PKHD1L1: variants seen among roughly 807,000 people sequenced by gnomAD.
PKHD1L1 encodes PKHD1 like 1.
Under a neutral mutation model 462.9 loss-of-function variants are expected in PKHD1L1, and 434 were observed. The observed-to-expected ratio is 0.94, with a 90% CI of 0.87 to 1.02. The LOEUF is 1.02. Among genes scored for constraint, PKHD1L1 ranks in the 50% least tolerant of loss-of-function variants. The pLI is 0.00. For missense variants in PKHD1L1, 5,202 were observed against 5,096.1 expected (o/e 1.02, Z -0.63); for synonymous variants, 1,781 against 1,750.0 (o/e 1.02, Z -0.44).
rs750944625 is a variant in PKHD1L1 at position 109,449,367 on chromosome 8, G to C, written c.6055G>C (p.Val2019Leu). The change falls in exon 40 of 78, where the codon GTG (valine) becomes CTG (leucine). Residue 2019 changes from valine to leucine, a missense_variant. By Grantham distance (32) the Val-to-Leu change is conservative. This residue lies in a region of PKHD1L1 where 4,497 missense variants were observed against 4,336.8 expected (regional missense o/e 1.04). Coordinates refer to ENST00000378402, the MANE Select transcript of PKHD1L1 (RefSeq NM_177531.6). ...CTTTGGTGGGGGTCAAACCATGACT[G>C]TGACAGGCACCGGATTTAATCCACA... The part of the protein sequence containing the change: ...GSFGGGQTMT[V>L]TGTGFNPQNS... 2 of 1,579,638 alleles carry C rather than the reference G, an allele frequency of 1.3e-6. No homozygotes were observed. The highest frequency in any genetic ancestry group is 2.7e-5 in the African/African-American group (2 of 74,206).
intron 2 of PKHD1L1, among the ~76,000 whole-genome samples, chr8:109,366,406 A>G (rs1811233241): frequency 6.6e-6 from 1 of 152,230 alleles, no homozygotes; most frequent in South Asian, 2.1e-4. Flanking sequence ...ACTGCCTTAT[A>G]GAGGCAGAGA....
intron 32 of PKHD1L1, 55 bp from the exon 33 acceptor site, chr8:109,440,655 A>C: frequency 6.6e-7 from 1 of 1,519,154 alleles, no homozygotes; most frequent in Non-Finnish European, 9.0e-7. Flanking sequence ...GCAAGAGTTT[A>C]GCAAGATAAA....
Position 109,498,544 on chromosome 8 carries a change from C to T in PKHD1L1, c.10682C>T (p.Ala3561Val). The T allele has an allele frequency of 6.2e-7, 1 of 1,613,530 alleles. No individual in the cohort carries two copies. The highest frequency in any genetic ancestry group is 8.5e-7 in the Non-Finnish European group (1 of 1,179,466). ...GATGATCCTAATATTGAACTCACTG[C>T]TGCTCATCGGAGTCCTAGATCTCCA... ...TNDDPNIELT[A>V]AHRSPRSPSG... Residue 3561 changes from alanine (A) to valine (V), a missense_variant, in exon 66 of 78, where the codon GCT becomes GTT. By Grantham distance (64) the Ala-to-Val change is moderately conservative (BLOSUM62 0). Around this residue, in one of 3 missense-constraint regions of PKHD1L1, gnomAD observed 4,497 missense variants for 4,336.8 expected, o/e 1.04. Coordinates refer to ENST00000378402, the MANE Select transcript of PKHD1L1 (RefSeq NM_177531.6).
rs779138316 is a variant in PKHD1L1, at chr8:109,412,420, C to G, written c.2235+6C>G. ...TATTGTTTCCTTATAATCAGGTAAGCTCAACAAAATGATATGCTAATTGAA... is the reference window on the plus strand; with the variant it reads ...TATTGTTTCCTTATAATCAGGTAAGGTCAACAAAATGATATGCTAATTGAA... On this transcript the variant is annotated splice_donor_region_variant and intron_variant, in intron 20 of 77. Coordinates refer to ENST00000378402, the MANE Select transcript of PKHD1L1 (RefSeq NM_177531.6). 6.3e-7 allele frequency: 1 copy of G among 1,598,956 alleles called. No homozygotes were observed. The highest frequency in any genetic ancestry group is 8.5e-7 in the Non-Finnish European group (1 of 1,172,006).
At chr8:109,491,431 C>G (rs1476995724) in intron 61 of PKHD1L1, among the ~76,000 whole-genome samples, 2 of 151,782 alleles carry the variant, frequency 1.3e-5, no homozygotes, top group Non-Finnish European at 2.9e-5. Flanking sequence ...TACCACATCA[C>G]ATTCTTACAT....
At chr8:109,524,491 G>C (rs1194949586) in intron 76 of PKHD1L1, among the ~76,000 whole-genome samples, 1 of 152,008 alleles carries the variant, frequency 6.6e-6, no homozygotes, top group African/African-American at 2.4e-5. Context: ...TACCTGAAAA[G>C]AAGTTTGCTC....
chr8:109,387,308 A>G (rs533163785), intron 6 of PKHD1L1, among the ~76,000 whole-genome samples: 2 of 152,200 alleles, frequency 1.3e-5, no homozygotes, highest in African/African-American at 4.8e-5. Context: ...AGGTAAAAAG[A>G]ATTCTAAAAA....
chr8:109,389,679 C>A (rs1812618766), intron 8 of PKHD1L1, among the ~76,000 whole-genome samples: 1 of 152,226 alleles, frequency 6.6e-6, no homozygotes, highest in East Asian at 1.9e-4. Flanking sequence ...AGGCGCACAC[C>A]ACCATGCCTG....
In PKHD1L1 at chr8:109,483,441, T is replaced by C. The variant is rs536064145; in HGVS notation, c.9576+336T>C. 6.0e-5 allele frequency among the ~76,000 whole-genome samples: 9 copies of C among 149,142 alleles called. No individual in the cohort carries two copies. In the East Asian group the frequency reaches 1.4e-3, roughly 23 times the overall value. Reference sequence around the variant, plus strand: ...TTAGTCATACAATATATGACTAATATATATTATGTATATACAAGCTAATAT... The same window carrying C: ...TTAGTCATACAATATATGACTAATACATATTATGTATATACAAGCTAATAT... On this transcript the variant is annotated intron_variant, in intron 57 of 77. Coordinates refer to ENST00000378402, the MANE Select transcript of PKHD1L1 (RefSeq NM_177531.6).
chr8:109,443,823 T>G lies in PKHD1L1; in HGVS notation c.4712T>G (p.Ile1571Ser), dbSNP rs1229463380. The G allele has an allele frequency of 6.2e-7, 1 of 1,613,862 alleles. No homozygotes were observed. The highest frequency in any genetic ancestry group is 1.7e-5 in the Admixed American group (1 of 59,998). Residue 1571 changes from isoleucine to serine, a missense_variant, in exon 37 of 78, where the codon ATT (isoleucine) becomes AGT (serine). Ile to Ser is a moderately radical substitution (Grantham distance 142). Coordinates refer to ENST00000378402, the MANE Select transcript of PKHD1L1 (RefSeq NM_177531.6). ...TGTTTTTCACCATCTATAAGCAACA[T>G]TACTCCGTCCACTGGAACAGTAAAT... Reference protein sequence around the residue: ...SSCFSPSISNITPSTGTVNEL... With the variant: ...SSCFSPSISNSTPSTGTVNEL...
chr8:109,528,851 G>A (rs1003719379), intron 77 of PKHD1L1, among the ~76,000 whole-genome samples: 2 of 152,092 alleles, frequency 1.3e-5, no homozygotes, highest in Non-Finnish European at 2.9e-5. Flanking sequence ...TGAAAGTTGC[G>A]TCTTTACCTC....
chr8:109,485,721 A>G (rs1009371), intron 58 of PKHD1L1, among the ~76,000 whole-genome samples: 7 of 151,626 alleles, frequency 4.6e-5, no homozygotes, highest in Admixed American at 3.3e-4. Flanking sequence ...GACAGTAGTG[A>G]AAAGTTAGAA....
intron 61 of PKHD1L1, 151 bp from the exon 62 acceptor site, chr8:109,491,722 G>T (rs1818835682): frequency 3.0e-6 from 2 of 660,356 alleles, no homozygotes; most frequent in African/African-American, 1.8e-5. Flanking sequence ...GAGTTCAGAA[G>T]ACTCCTTCGA....
chr8:109,429,142 A>T lies in PKHD1L1; in HGVS notation c.3001-198A>T, dbSNP rs181510819. Among the ~76,000 whole-genome samples, 1,462 of 152,026 alleles carry T rather than the reference A, an allele frequency of 9.6e-3. 20 individuals carry two copies. The highest frequency in any genetic ancestry group is 0.033 in the African/African-American group (1,378 of 41,462). Reference sequence around the variant, plus strand: ...AATGTATGATAATGCAATGGTCTTAATTTTTTTTCTTGGATAGGTTATGTT... The same window carrying T: ...AATGTATGATAATGCAATGGTCTTATTTTTTTTTCTTGGATAGGTTATGTT... On this transcript the variant is annotated intron_variant, in intron 25 of 77. Transcript: ENST00000378402.
Position 109,518,504 on chromosome 8 carries a change from C to A in PKHD1L1, c.12027C>A (p.Thr4009=). 2 of 1,592,900 alleles carry A rather than the reference C, an allele frequency of 1.3e-6. No individual in the cohort carries two copies. Among genetic ancestry groups the A allele is most frequent in the Middle Eastern group, 1.7e-4 (1 of 6,006 alleles). The change falls in exon 73 of 78, where the codon ACC becomes ACA. Residue 4009 remains threonine, a synonymous_variant. Coordinates refer to ENST00000378402, the MANE Select transcript of PKHD1L1 (RefSeq NM_177531.6). ...CTATTCAGTTCATAAGCAATGGCAC[C>A]ACAGGTATGAATAACAGGTGTTTGA... is the stretch of plus-strand genomic sequence containing the variant. The part of the protein sequence containing the change: ...DPPIQFISNG[T]TGQMQLSELQ...
rs532929019 is a variant in PKHD1L1 at position 109,534,545 on chromosome 8, C to T, written c.*4455C>T. On this transcript the variant is annotated 3_prime_UTR_variant, in exon 78 of 78. Transcript: ENST00000378402. ...GAACCTACCAAAACAGTGGGAGAGT[C>T]TTGCCCTTTTTCTAAGATCATCAGT... 2.8e-4 allele frequency among the ~76,000 whole-genome samples: 42 copies of T among 152,100 alleles called. No homozygotes were observed. Among genetic ancestry groups the T allele is most frequent in the Non-Finnish European group, 2.8e-4 (19 of 68,024 alleles).
chr8:109,380,519 C>T (rs1030060558), intron 2 of PKHD1L1, among the ~76,000 whole-genome samples: 6 of 152,078 alleles, frequency 3.9e-5, no homozygotes, highest in Non-Finnish European at 7.4e-5. Flanking sequence ...GCAGTAACTC[C>T]GAACTTTGGA....
In PKHD1L1 at chr8:109,475,100, T is replaced by C. The variant is rs747674621; in HGVS notation, c.8606-18T>C. On this transcript the variant is annotated intron_variant, in intron 50 of 77. Transcript: ENST00000378402. ...GGTAGAGATTACTATTATTTTCTTG[T>C]TCTATGTTCTCCTATAGGCACAAGC... is the stretch of plus-strand genomic sequence containing the variant. 6.3e-7 allele frequency: 1 copy of C among 1,579,608 alleles called. No homozygotes were observed. Among genetic ancestry groups the C allele is most frequent in the South Asian group, 1.2e-5 (1 of 85,378 alleles).
At chr8:109,395,945 T>G (rs1586424975) in intron 10 of PKHD1L1, 82 bp from the exon 11 acceptor site, 11 of 900,298 alleles carry the variant, frequency 1.2e-5, no homozygotes. Context: ...TATGGCTAGG[T>G]AATTTGGAAT....
Sources: gnomAD v4.1 joint callset for allele counts (sites outside exome capture counted in the v4.1 genomes callset) on GRCh38, gnomAD v4.1.1 for gene constraint, gnomAD v4.1.1 regional missense constraint, MANE v1.5 for transcripts, NCBI Gene and HGNC (gene_info 2026-07-23, HGNC 2026-07-21) for gene names.